DGKB: variants seen among roughly 807,000 people sequenced by gnomAD.
DGKB encodes diacylglycerol kinase beta.
A neutral mutation model predicts 114.3 loss-of-function variants in DGKB; 67 were observed. That is an observed-to-expected ratio of 0.59 (90% CI 0.48 to 0.72). DGKB has a LOEUF of 0.72. Among genes scored for constraint, DGKB ranks in the 30% least tolerant of loss-of-function variants. DGKB has a pLI of 0.00. For synonymous variants in DGKB, 398 were observed against 323.1 expected, an observed-to-expected ratio of 1.23 and a Z score of -2.49; for missense variants, 907 against 975.2, an observed-to-expected ratio of 0.93 and a Z score of 0.93.
chr7:14,392,995 G>GTTTTTGTTTTTGTTTT, intron 21 of DGKB, among the ~76,000 whole-genome samples: 1,879 of 60,672 alleles, frequency 0.031, 219 homozygotes, highest in Non-Finnish European at 0.048. Context: ...TTTTGTTTTT[G>GTTTTTGTTTTTGTTTT]TTTTTTTTTT....
intron 6 of DGKB, among the ~76,000 whole-genome samples, chr7:14,709,858 C>G (rs1475763175): frequency 6.7e-6 from 1 of 148,752 alleles, no homozygotes; most frequent in African/African-American, 2.5e-5. Context: ...GGAGATATAC[C>G]TAATGCTAGA....
At chr7:14,785,200 G>T (rs1839702764) in intron 2 of DGKB, among the ~76,000 whole-genome samples, 1 of 151,968 alleles carries the variant, frequency 6.6e-6, no homozygotes, top group Admixed American at 6.6e-5. Flanking sequence ...AAAAAGTAAT[G>T]TTATATAAAA....
intron 1 of DGKB, among the ~76,000 whole-genome samples, chr7:14,868,340 A>AT (rs397732601): frequency 0.79 from 113,345 of 144,378 alleles, 44,258 homozygotes; most frequent in Admixed American, 0.83. Flanking sequence ...TTTCCTTTTC[A>AT]TTTTTTTTTT....
chr7:14,745,875 A>G (rs903715187), intron 4 of DGKB, among the ~76,000 whole-genome samples: 1 of 152,232 alleles, frequency 6.6e-6, no homozygotes, highest in Non-Finnish European at 1.5e-5. Flanking sequence ...AAATTCCTGC[A>G]TCACTGGCAT....
At chr7:14,656,029 T>C (rs376487582) in intron 13 of DGKB, among the ~76,000 whole-genome samples, 14 of 151,706 alleles carry the variant, frequency 9.2e-5, no homozygotes, top group Non-Finnish European at 2.1e-4. Context: ...TGGAGAATTA[T>C]GAATATTTCC....
chr7:14,957,226 TC>T (rs1158593183), intron 1 of DGKB, among the ~76,000 whole-genome samples: 1 of 151,960 alleles, frequency 6.6e-6, no homozygotes, highest in Non-Finnish European at 1.5e-5. Flanking sequence ...AATTTGAACA[TC>T]CCTAACAATC....
intron 21 of DGKB, among the ~76,000 whole-genome samples, chr7:14,393,971 T>C (rs1821840387): frequency 6.6e-6 from 1 of 151,996 alleles, no homozygotes; most frequent in Non-Finnish European, 1.5e-5. Flanking sequence ...GGCTGTATGG[T>C]GAATTTTTAA....
intron 2 of DGKB, among the ~76,000 whole-genome samples, chr7:14,795,737 A>G (rs1841314732): frequency 1.3e-5 from 2 of 152,122 alleles, no homozygotes; most frequent in Admixed American, 6.6e-5. Flanking sequence ...CAGCAATCAG[A>G]AGAGTCTGAT....
intron 13 of DGKB, among the ~76,000 whole-genome samples, chr7:14,649,568 T>C (rs1246289516): frequency 6.6e-6 from 1 of 151,942 alleles, no homozygotes; most frequent in Non-Finnish European, 1.5e-5. Flanking sequence ...CCATCAACAC[T>C]AGGAAGAAAC....
intron 9 of DGKB, among the ~76,000 whole-genome samples, chr7:14,691,813 C>T (rs1822917333): frequency 6.6e-6 from 1 of 151,482 alleles, no homozygotes; most frequent in South Asian, 2.1e-4. Context: ...GGTGCCTCTG[C>T]CATCTAGCGG....
intron 13 of DGKB, among the ~76,000 whole-genome samples, chr7:14,635,114 C>T (rs541164809): frequency 2.6e-4 from 40 of 151,556 alleles, no homozygotes; most frequent in African/African-American, 9.6e-4. Flanking sequence ...GGTCCCTTGA[C>T]TACTTCTCAC....
chr7:14,889,043 G>C (rs1780754718), intron 1 of DGKB, among the ~76,000 whole-genome samples: 1 of 151,642 alleles, frequency 6.6e-6, no homozygotes, highest in African/African-American at 2.4e-5. Flanking sequence ...GCAGGAGCCA[G>C]TCCACAAAAG....
At chr7:14,689,268 C>G (rs1027149301) in intron 9 of DGKB, among the ~76,000 whole-genome samples, 1 of 130,084 alleles carries the variant, frequency 7.7e-6, no homozygotes, top group Admixed American at 9.7e-5. Context: ...GGCAGTGGCG[C>G]GATCTCGGCT....
rs570648118 is a variant in DGKB at position 14,705,596 on chromosome 7, A to G, written c.467-3866T>C. Among the ~76,000 whole-genome samples the G allele has an allele frequency of 4.3e-4, 65 of 150,452 alleles. No individual in the cohort carries two copies. The East Asian group carries it at 0.012, about 28-fold the overall frequency. On this transcript the variant is annotated intron_variant, in intron 6 of 25. Coordinates refer to ENST00000402815, the MANE Select transcript of DGKB (RefSeq NM_001350709.2). ...TCGGGTTCCCCTCAAAGGGAAGCCC[A>G]TCAGACTAACAGCGGATCTCTCGGC...
chr7:14,496,133 G>A lies in DGKB; in HGVS notation c.1771-17908C>T, dbSNP rs573872543. Among the ~76,000 whole-genome samples the A allele has an allele frequency of 1.6e-4, 25 of 151,768 alleles. 1 individual carries two copies. The highest frequency in any genetic ancestry group is 3.9e-4 in the East Asian group (2 of 5,174). ...TGACTTGCATTTTTAAAAAATTTAC[G>A]GAAGTAGCTTTTTCTTTTGCCTTAC... On this transcript the variant is annotated intron_variant, in intron 20 of 25. Coordinates refer to ENST00000402815, the MANE Select transcript of DGKB (RefSeq NM_001350709.2).
At chr7:14,931,161 G>A (rs1784998236) in intron 1 of DGKB, among the ~76,000 whole-genome samples, 1 of 148,552 alleles carries the variant, frequency 6.7e-6, no homozygotes, top group East Asian at 2.0e-4. Context: ...GCCCAGGCTA[G>A]AGTGCAGTGG....
intron 13 of DGKB, among the ~76,000 whole-genome samples, chr7:14,672,702 T>C (rs1819168575): frequency 2.0e-5 from 3 of 152,108 alleles, no homozygotes; most frequent in African/African-American, 7.2e-5. Flanking sequence ...TGATAAAACC[T>C]GAGTCAGCGT....
chr7:14,627,434 G>A (rs1808786561), intron 14 of DGKB, among the ~76,000 whole-genome samples: 1 of 151,908 alleles, frequency 6.6e-6, no homozygotes, highest in African/African-American at 2.4e-5. Context: ...TTTTATCCTG[G>A]GTATAAACCA....
Position 14,589,693 on chromosome 7 carries a change from C to T in DGKB, c.1434-6556G>A, listed in dbSNP as rs137905051. Among the ~76,000 whole-genome samples, 380 of 151,990 alleles carry T rather than the reference C, an allele frequency of 2.5e-3. 3 individuals carry two copies. The highest frequency in any genetic ancestry group is 8.7e-3 in the African/African-American group (363 of 41,486). ...TTTAATCGGTTAGTGTGAGAATAAA[C>T]ATTTATATATTTCTGCATTATTAAT... On this transcript the variant is annotated intron_variant, in intron 17 of 25. Coordinates refer to ENST00000402815, the MANE Select transcript of DGKB (RefSeq NM_001350709.2).
Sources: gnomAD v4.1 joint callset for allele counts (sites outside exome capture counted in the v4.1 genomes callset) on GRCh38, gnomAD v4.1.1 for gene constraint, MANE v1.5 for transcripts, NCBI Gene and HGNC (gene_info 2026-07-23, HGNC 2026-07-21) for gene names.